Variants in PTPMT1 observed in about 807,000 individuals in gnomAD.
PTPMT1 encodes protein tyrosine phosphatase mitochondrial 1.
A neutral mutation model predicts 17.8 loss-of-function variants in PTPMT1; 12 were observed. The ratio of observed to expected loss-of-function variants is 0.67; its 90% CI spans 0.43 to 1.09. The LOEUF (loss-of-function observed/expected upper bound fraction) is 1.09, where lower values mean the gene tolerates loss of function less well. PTPMT1 is among the 50% of genes least tolerant of loss of function. The pLI is 0.00. For missense variants in PTPMT1, 262 were observed against 266.0 expected (o/e 0.99, Z 0.10); for synonymous variants, 132 against 116.8 (o/e 1.13, Z -0.84).
At chr11:47,569,212 C>T (rs898677609) in intron 2 of PTPMT1, among the ~76,000 whole-genome samples, 2 of 151,472 alleles carry the variant, frequency 1.3e-5, no homozygotes, top group Non-Finnish European at 2.9e-5. Flanking sequence ...ATGATGAAAC[C>T]CCGTCTCTAC....
rs541644716 is a variant in PTPMT1 at position 47,573,092 on chromosome 11, G to A, written c.*1463G>A. ...CGTTACAGCTGGCAATCTTCCAGAG[G>A]GATGGGGCAGAGCTCCAGGCCTCAG... is the stretch of plus-strand genomic sequence containing the variant. On this transcript the variant is annotated 3_prime_UTR_variant, in exon 4 of 4. Transcript: ENST00000326674. This position sits in a 1 kb window ranked among gnomAD's most constrained non-coding sequence, Gnocchi z 4.1. The A allele has an allele frequency of 6.2e-7, 1 of 1,614,224 alleles. No homozygotes were observed. The highest frequency in any genetic ancestry group is 1.1e-5 in the South Asian group (1 of 91,086).
chr11:47,566,402 T>C (rs1366015630), intron 2 of PTPMT1, among the ~76,000 whole-genome samples: 1 of 150,496 alleles, frequency 6.6e-6, no homozygotes, highest in Non-Finnish European at 1.5e-5. Flanking sequence ...AGAATCACTT[T>C]AGCCCGGGAG....
Position 47,572,837 on chromosome 11 carries a change from A to T in PTPMT1, c.*1208A>T. ...GGCACTGCCTTTCTAGTATGTGCCA[A>T]AAAAAACATAACTCTGAATTGGGGC... On this transcript the variant is annotated 3_prime_UTR_variant, in exon 4 of 4. Coordinates refer to ENST00000326674, the MANE Select transcript of PTPMT1 (RefSeq NM_175732.3). 1 of 1,420,648 alleles carries T rather than the reference A, an allele frequency of 7.0e-7. No individual in the cohort carries two copies. Among genetic ancestry groups the T allele is most frequent in the Non-Finnish European group, 9.5e-7 (1 of 1,049,926 alleles). 88.0% of individuals were successfully genotyped at this position (1,420,648 alleles called of 1,614,324 possible). A position where few individuals can be genotyped will look rare whatever the true frequency, so the allele number is the denominator to read the frequency against.
In PTPMT1 at chr11:47,572,682, G is replaced by A; in HGVS notation, c.*1053G>A. The A allele has an allele frequency of 3.7e-6, 2 of 537,310 alleles. No homozygotes were observed. Among genetic ancestry groups the A allele is most frequent in the Non-Finnish European group, 6.6e-6 (2 of 302,372 alleles). The allele number at this position is 537,310 out of a possible 1,614,324, so 33.3% of individuals were successfully genotyped here. ...AAAAGGCTTGCTCTAAGCAAGCTGT[G>A]GTGAGGCACAGGATGACTAGGGAAT... is the stretch of plus-strand genomic sequence containing the variant. On this transcript the variant is annotated 3_prime_UTR_variant, in exon 4 of 4. Transcript: ENST00000326674.
chr11:47,567,405 CAA>C (rs547929091), intron 2 of PTPMT1, among the ~76,000 whole-genome samples: 4 of 125,994 alleles, frequency 3.2e-5, no homozygotes, highest in East Asian at 4.5e-4. Flanking sequence ...GTCTCCGTCT[CAA>C]AAAAAAAAAA....
intron 3 of PTPMT1, among the ~76,000 whole-genome samples, chr11:47,570,819 T>C (rs779721979): frequency 1.3e-5 from 2 of 152,160 alleles, no homozygotes; most frequent in Non-Finnish European, 2.9e-5. Context: ...TTCTAAGTCA[T>C]GTGAATAGCT....
Position 47,573,434 on chromosome 11 carries a change from A to C in PTPMT1, c.*1805A>C, listed in dbSNP as rs758977537. ...CTGTCCACACATTATCACCTACGCG[A>C]TAATAAATGACTGCGTTGGAGAGGG... On this transcript the variant is annotated 3_prime_UTR_variant, in exon 4 of 4. Coordinates refer to ENST00000326674, the MANE Select transcript of PTPMT1 (RefSeq NM_175732.3). This position sits in a 1 kb window ranked among gnomAD's most constrained non-coding sequence, Gnocchi z 4.1. 6.2e-7 allele frequency: 1 copy of C among 1,614,178 alleles called. No homozygotes were observed. Among genetic ancestry groups the C allele is most frequent in the East Asian group, 2.2e-5 (1 of 44,876 alleles).
At position 47,571,468 on chromosome 11, in the gene PTPMT1, C is replaced by A. The variant is rs2097249640; in HGVS notation, c.448-3C>A. The A allele has an allele frequency of 1.2e-6, 2 of 1,613,616 alleles. No homozygotes were observed. The highest frequency in any genetic ancestry group is 1.1e-5 in the South Asian group (1 of 91,006). ...CTGCTGATTTCCCAACCCTGTACTT[C>A]AGGTGCACAAATGGAGTCCAGAGGA... is the stretch of plus-strand genomic sequence containing the variant. On this transcript the variant is annotated splice_polypyrimidine_tract_variant and splice_region_variant and intron_variant, in intron 3 of 3. Coordinates refer to ENST00000326674, the MANE Select transcript of PTPMT1 (RefSeq NM_175732.3).
chr11:47,572,930 T>C lies in PTPMT1; in HGVS notation c.*1301T>C. ...CAGTTCTCCTCCCCTCCCCACAGCCTTAGGCCAACACAAACTGCAAATTGG... is the reference window on the plus strand; with the variant it reads ...CAGTTCTCCTCCCCTCCCCACAGCCCTAGGCCAACACAAACTGCAAATTGG... On this transcript the variant is annotated 3_prime_UTR_variant, in exon 4 of 4. Transcript: ENST00000326674. The C allele has an allele frequency of 6.2e-7, 1 of 1,611,750 alleles. No individual in the cohort carries two copies. Among genetic ancestry groups the C allele is most frequent in the Non-Finnish European group, 8.5e-7 (1 of 1,178,470 alleles).
At chr11:47,571,008 G>A (rs1233243449) in intron 3 of PTPMT1, among the ~76,000 whole-genome samples, 4 of 152,180 alleles carry the variant, frequency 2.6e-5, no homozygotes, top group African/African-American at 7.2e-5. Flanking sequence ...AAACCAATGA[G>A]TATCCTTAGG....
At chr11:47,570,066 C>A (rs1321082733) in intron 3 of PTPMT1, among the ~76,000 whole-genome samples, 175 bp downstream of exon 3, 1 of 151,872 alleles carries the variant, frequency 6.6e-6, no homozygotes, top group Non-Finnish European at 1.5e-5. Flanking sequence ...GTGGTGTGCA[C>A]CTGTAGTCCC....
chr11:47,573,314 G>C lies in PTPMT1; in HGVS notation c.*1685G>C, dbSNP rs758359875. The C allele has an allele frequency of 6.2e-7, 1 of 1,614,184 alleles. No individual in the cohort carries two copies. Among genetic ancestry groups the C allele is most frequent in the Non-Finnish European group, 8.5e-7 (1 of 1,180,042 alleles). ...TGAGTCGGGAAGGTTTGGTAAAGAA[G>C]TCCAGATCATTCTCCTCCCCCCCTA... On this transcript the variant is annotated 3_prime_UTR_variant, in exon 4 of 4. Coordinates refer to ENST00000326674, the MANE Select transcript of PTPMT1 (RefSeq NM_175732.3). The surrounding 1 kb of genome is among the most constrained non-coding windows in gnomAD (Gnocchi z 4.1).
chr11:47,571,435 T>G (rs2097249599), intron 3 of PTPMT1, 36 bp from the exon 4 acceptor site: 1 of 1,606,050 alleles, frequency 6.2e-7, no homozygotes, highest in African/African-American at 1.3e-5. Flanking sequence ...ACCTGCTTCT[T>G]TCTTTCTCTG....
chr11:47,573,161 C>T lies in PTPMT1; in HGVS notation c.*1532C>T. The T allele has an allele frequency of 6.2e-7, 1 of 1,614,206 alleles. No homozygotes were observed. The highest frequency in any genetic ancestry group is 8.5e-7 in the Non-Finnish European group (1 of 1,180,038). On this transcript the variant is annotated 3_prime_UTR_variant, in exon 4 of 4. Transcript: ENST00000326674. This position sits in a 1 kb window ranked among gnomAD's most constrained non-coding sequence, Gnocchi z 4.1. Reference sequence around the variant, plus strand: ...AGCTGTCTAGCAAGGGATTGTAGCACACCAGGGAGTCCCCTTCAGCCACGA... The same window carrying T: ...AGCTGTCTAGCAAGGGATTGTAGCATACCAGGGAGTCCCCTTCAGCCACGA...
Position 47,572,867 on chromosome 11 carries a change from G to C in PTPMT1, c.*1238G>C. The C allele has an allele frequency of 6.5e-7, 1 of 1,536,986 alleles. No individual in the cohort carries two copies. The highest frequency in any genetic ancestry group is 8.8e-7 in the Non-Finnish European group (1 of 1,134,830). On this transcript the variant is annotated 3_prime_UTR_variant, in exon 4 of 4. Coordinates refer to ENST00000326674, the MANE Select transcript of PTPMT1 (RefSeq NM_175732.3). ...AACATAACTCTGAATTGGGGCCCAG[G>C]GGACTTTGAGTTTGTATGGGGAGGG... is the stretch of plus-strand genomic sequence containing the variant.
At chr11:47,569,628 G>T in intron 2 of PTPMT1, 72 bp from the exon 3 acceptor site, 1 of 1,219,870 alleles carries the variant, frequency 8.2e-7, no homozygotes, top group East Asian at 2.4e-5. Context: ...GCTGCTTCTT[G>T]GGAGCCCCTT....
Position 47,571,620 on chromosome 11 carries a change from A to G in PTPMT1, c.597A>G (p.Ser199=), listed in dbSNP as rs2097249767. 6.2e-7 allele frequency: 1 copy of G among 1,614,078 alleles called. No individual in the cohort carries two copies. Residue 199 remains serine, a synonymous_variant, in exon 4 of 4, where the codon TCA becomes TCG. Transcript: ENST00000326674. ...CAAAGGATGGGACTTTTGTCATTTC[A>G]AAGACATGATGTATGGGGATTAGAA... is the stretch of plus-strand genomic sequence containing the variant. ...RATKDGTFVI[S]KT
chr11:47,569,381 GT>G (rs1425456844), intron 2 of PTPMT1, among the ~76,000 whole-genome samples: 2 of 69,964 alleles, frequency 2.9e-5, no homozygotes, highest in African/African-American at 1.3e-4. Flanking sequence ...GCGAGACTCT[GT>G]CTTTAAAAAA....
At chr11:47,568,903 C>T (rs1025284192) in intron 2 of PTPMT1, among the ~76,000 whole-genome samples, 2 of 151,848 alleles carry the variant, frequency 1.3e-5, no homozygotes, top group African/African-American at 4.8e-5. Flanking sequence ...GTTAGCCAGG[C>T]TGGTCTCAAA....
Sources: allele counts gnomAD v4.1 joint callset (sites outside exome capture counted in the v4.1 genomes callset), GRCh38; gene constraint gnomAD v4.1.1; non-coding constraint Gnocchi (gnomAD v3.1); transcripts MANE v1.5; gene names NCBI Gene and HGNC (gene_info 2026-07-23, HGNC 2026-07-21).